OR3A2: variants seen among roughly 807,000 people sequenced by gnomAD.
OR3A2 encodes the protein olfactory receptor family 3 subfamily A member 2, also known as olfactory receptor 3A2.
For synonymous variants in OR3A2, 126 were observed against 159.3 expected, an observed-to-expected ratio of 0.79 and a Z score of 1.57; for missense variants, 318 against 392.8, an observed-to-expected ratio of 0.81 and a Z score of 1.61.
chr17:3,368,660 G>A (rs1437069034), intron 2 of OR3A2, among the ~76,000 whole-genome samples: 1 of 152,076 alleles, frequency 6.6e-6, no homozygotes, highest in Non-Finnish European at 1.5e-5. Flanking sequence ...GTTATAAGTT[G>A]GGTAACGTGA....
At chr17:3,325,385 C>G (rs2049163221) in intron 3 of OR3A2, among the ~76,000 whole-genome samples, 1 of 151,492 alleles carries the variant, frequency 6.6e-6, no homozygotes, top group African/African-American at 2.4e-5. Flanking sequence ...AATTTTTATA[C>G]TTTTAGTAGA....
intron 2 of OR3A2, among the ~76,000 whole-genome samples, chr17:3,362,524 A>G (rs1430237293): frequency 6.6e-6 from 1 of 151,488 alleles, no homozygotes; most frequent in Non-Finnish European, 1.5e-5. Flanking sequence ...TGTCAATTTT[A>G]GATCTTTCCA....
chr17:3,380,420 CCTGT>C (rs2049724507), intron 2 of OR3A2, among the ~76,000 whole-genome samples: 1 of 152,064 alleles, frequency 6.6e-6, no homozygotes, highest in Non-Finnish European at 1.5e-5. Context: ...TGCTGCTTTC[CCTGT>C]CTATGACATG....
chr17:3,299,879 T>G (rs2077788341), intron 3 of OR3A2, among the ~76,000 whole-genome samples: 1 of 152,138 alleles, frequency 6.6e-6, no homozygotes, highest in Non-Finnish European at 1.5e-5. Context: ...GTTAAAGCAC[T>G]TGGTAGGGGA....
At chr17:3,294,021 G>A (rs1478643793) in intron 3 of OR3A2, among the ~76,000 whole-genome samples, 1 of 152,050 alleles carries the variant, frequency 6.6e-6, no homozygotes. Context: ...TAATACCTAG[G>A]TGATGGGGTG....
At chr17:3,372,165 G>A (rs1379489888) in intron 2 of OR3A2, among the ~76,000 whole-genome samples, 6 of 150,582 alleles carry the variant, frequency 4.0e-5, no homozygotes, top group African/African-American at 1.5e-4. Context: ...CCGGGTAGAG[G>A]TGCTCCTCAC....
chr17:3,325,253 G>T (rs2049161984), intron 3 of OR3A2, among the ~76,000 whole-genome samples: 1 of 132,536 alleles, frequency 7.5e-6, no homozygotes, highest in South Asian at 2.3e-4. Context: ...CTGTCGCCCA[G>T]ACTGGGAGTG....
intron 3 of OR3A2, chr17:3,310,374 G>C (rs1346126822): frequency 3.7e-6 from 2 of 534,914 alleles, no homozygotes; most frequent in Non-Finnish European, 7.7e-6. Flanking sequence ...GGGCCTCACA[G>C]AGACTGCAGC....
intron 1 of OR3A2, among the ~76,000 whole-genome samples, chr17:3,280,161 G>C (rs1322538483): frequency 6.6e-6 from 1 of 152,156 alleles, no homozygotes; most frequent in African/African-American, 2.4e-5. Context: ...CACAGTCACT[G>C]TCCTTCCCTT....
upstream of OR3A2, among the ~76,000 whole-genome samples, chr17:3,285,928 A>T (rs61069123): frequency 0.21 from 31,199 of 152,170 alleles, 4,368 homozygotes; most frequent in African/African-American, 0.38. Context: ...TTCTCTTTTT[A>T]AATATACTCT....
chr17:3,381,938 T>C (rs992497356), intron 2 of OR3A2, among the ~76,000 whole-genome samples: 36 of 152,012 alleles, frequency 2.4e-4, no homozygotes, highest in African/African-American at 7.7e-4. Context: ...AAGATCAGCA[T>C]TACAGAAAAA....
chr17:3,326,061 T>C lies in OR3A2; in HGVS notation c.-85+9972A>G, dbSNP rs148461988. Among the ~76,000 whole-genome samples the C allele has an allele frequency of 7.9e-5, 12 of 152,222 alleles. 1 individual carries two copies. In the East Asian group the frequency reaches 2.3e-3, roughly 29 times the overall value. Reference sequence around the variant, plus strand: ...AGGTGTTTGGTTTTCTGTGCCCGCATTAGTTTGCTAAGGATAATGGCTTCC... The same window carrying C: ...AGGTGTTTGGTTTTCTGTGCCCGCACTAGTTTGCTAAGGATAATGGCTTCC... On this transcript the variant is annotated intron_variant, in intron 3 of 4. Transcript: ENST00000573491.
chr17:3,322,290 T>G (rs940188015), intron 3 of OR3A2, among the ~76,000 whole-genome samples: 6 of 152,184 alleles, frequency 3.9e-5, no homozygotes, highest in Non-Finnish European at 5.9e-5. Flanking sequence ...TTGGTAGCAG[T>G]CTATCAATTT....
chr17:3,364,377 AT>A (rs2049545513), intron 2 of OR3A2, among the ~76,000 whole-genome samples: 1 of 152,176 alleles, frequency 6.6e-6, no homozygotes, highest in South Asian at 2.1e-4. Context: ...TCTTTTAGCT[AT>A]TTTGAAACAT....
intron 2 of OR3A2, among the ~76,000 whole-genome samples, chr17:3,336,456 G>A (rs970707044): frequency 1.3e-5 from 2 of 152,250 alleles, no homozygotes; most frequent in Non-Finnish European, 2.9e-5. Flanking sequence ...AACTTTATGT[G>A]TAAGAAGTGT....
At chr17:3,346,594 A>G (rs2049365332) in intron 2 of OR3A2, among the ~76,000 whole-genome samples, 1 of 152,060 alleles carries the variant, frequency 6.6e-6, no homozygotes, top group African/African-American at 2.4e-5. Flanking sequence ...ATTATTAATT[A>G]TAGTTACTCT....
At chr17:3,361,530 C>A (rs1296025232) in intron 2 of OR3A2, among the ~76,000 whole-genome samples, 1 of 151,642 alleles carries the variant, frequency 6.6e-6, no homozygotes, top group East Asian at 1.9e-4. Flanking sequence ...TTTGCCCATT[C>A]AGTATGATAT....
intron 1 of OR3A2, among the ~76,000 whole-genome samples, chr17:3,282,363 G>A (rs1245057117): frequency 3.3e-5 from 5 of 152,112 alleles, no homozygotes; most frequent in Non-Finnish European, 5.9e-5. Context: ...CTGAGATCGC[G>A]CCACTGCACT....
At chr17:3,345,471 C>A (rs559626182) in intron 2 of OR3A2, among the ~76,000 whole-genome samples, 2 of 150,810 alleles carry the variant, frequency 1.3e-5, no homozygotes, top group African/African-American at 2.4e-5. Flanking sequence ...AAATAAGAAA[C>A]GAAACAACAC....
Sources: gnomAD v4.1 joint callset for allele counts (sites outside exome capture counted in the v4.1 genomes callset) on GRCh38, gnomAD v4.1.1 for gene constraint, MANE v1.5 for transcripts, NCBI Gene and HGNC (gene_info 2026-07-23, HGNC 2026-07-21) for gene names.